The following KHDRBS3 variants were observed in gnomAD, a reference collection of about 807,000 sequenced individuals.
KHDRBS3 encodes the protein KH RNA binding domain containing, signal transduction associated 3, also known as KH domain-containing, RNA-binding, signal transduction-associated protein 3.
A neutral mutation model predicts 45.6 loss-of-function variants in KHDRBS3; 23 were observed. The ratio of observed to expected loss-of-function variants is 0.50; its 90% confidence interval spans 0.36 to 0.72. The LOEUF is 0.72. KHDRBS3 is among the 30% of genes least tolerant of loss of function. The probability of loss-of-function intolerance (pLI) is 0.00; values close to 1 mark genes in which losing one functional copy is unlikely to be tolerated. For synonymous variants in KHDRBS3, 162 were observed against 156.5 expected (o/e 1.04, Z -0.26); for missense variants, 352 against 424.8 (o/e 0.83, Z 1.51).
intron 7 of KHDRBS3, among the ~76,000 whole-genome samples, chr8:135,629,908 T>G (rs1229320169): frequency 1.3e-5 from 2 of 152,202 alleles, no homozygotes; most frequent in African/African-American, 4.8e-5. Context: ...TCCACCCATA[T>G]AGTAACTTCT....
chr8:135,516,609 G>A (rs532399815), intron 1 of KHDRBS3, among the ~76,000 whole-genome samples: 1 of 125,600 alleles, frequency 8.0e-6, no homozygotes, highest in East Asian at 2.9e-4. Context: ...AGTAAACAGT[G>A]CATTTGGTAC....
chr8:135,607,060 A>C (rs1468685457), intron 7 of KHDRBS3, 23 bp downstream of exon 7: 1 of 1,559,208 alleles, frequency 6.4e-7, no homozygotes, highest in Non-Finnish European at 8.8e-7. Context: ...CTTTATTACC[A>C]GACCCCACAA....
At chr8:135,645,992 A>ATTTTTTTTTTTTTTTT (rs57082119) in intron 8 of KHDRBS3, among the ~76,000 whole-genome samples, 2 of 100,688 alleles carry the variant, frequency 2.0e-5, no homozygotes, top group Non-Finnish European at 1.8e-5. Flanking sequence ...TGCACCTTGG[A>ATTTTTTTTTTTTTTTT]TTTTTTTTTT....
chr8:135,473,997 A>G (rs1822145448), intron 1 of KHDRBS3, among the ~76,000 whole-genome samples: 1 of 152,184 alleles, frequency 6.6e-6, no homozygotes, highest in South Asian at 2.1e-4. Flanking sequence ...TGTCCTCTAG[A>G]GACTTGAGTC....
chr8:135,602,719 G>A (rs1829272808), intron 6 of KHDRBS3, among the ~76,000 whole-genome samples: 1 of 152,058 alleles, frequency 6.6e-6, no homozygotes, highest in Non-Finnish European at 1.5e-5. Context: ...CTGTGTGCAC[G>A]ATACAGTGAC....
chr8:135,632,742 C>T (rs1000520460), intron 7 of KHDRBS3, among the ~76,000 whole-genome samples: 1 of 152,178 alleles, frequency 6.6e-6, no homozygotes, highest in Non-Finnish European at 1.5e-5. Flanking sequence ...ATGAAAGCCT[C>T]TCAGTGGCCT....
chr8:135,560,910 G>A (rs1426335722), intron 5 of KHDRBS3, among the ~76,000 whole-genome samples: 1 of 152,114 alleles, frequency 6.6e-6, no homozygotes, highest in Non-Finnish European at 1.5e-5. Flanking sequence ...CATATGCTAG[G>A]CACCAGCAGG....
intron 6 of KHDRBS3, among the ~76,000 whole-genome samples, chr8:135,600,524 GT>G (rs1284396982): frequency 6.6e-6 from 1 of 152,206 alleles, no homozygotes; most frequent in Non-Finnish European, 1.5e-5. Context: ...TTCTCCAGAT[GT>G]TAATGCCTTC....
chr8:135,471,808 C>G (rs919898018), intron 1 of KHDRBS3, among the ~76,000 whole-genome samples: 1 of 152,212 alleles, frequency 6.6e-6, no homozygotes, highest in Non-Finnish European at 1.5e-5. Context: ...GTTCTCTTCG[C>G]TCGCTCTCTG....
chr8:135,510,966 A>G (rs1824253005), intron 1 of KHDRBS3, among the ~76,000 whole-genome samples: 1 of 152,256 alleles, frequency 6.6e-6, no homozygotes, highest in Non-Finnish European at 1.5e-5. Flanking sequence ...TGTATTTTAA[A>G]TAAACCTATA....
intron 2 of KHDRBS3, among the ~76,000 whole-genome samples, chr8:135,522,784 A>C (rs932193197): frequency 6.6e-6 from 1 of 152,184 alleles, no homozygotes; most frequent in Non-Finnish European, 1.5e-5. Context: ...TAAAAGTGTT[A>C]TTGTAGCTTT....
At chr8:135,561,418 G>A (rs926308558) in intron 5 of KHDRBS3, among the ~76,000 whole-genome samples, 1 of 152,078 alleles carries the variant, frequency 6.6e-6, no homozygotes, top group Non-Finnish European at 1.5e-5. Flanking sequence ...ATTCTTTGCC[G>A]AAAGTCATGC....
At chr8:135,590,358 T>C (rs1200127211) in intron 6 of KHDRBS3, among the ~76,000 whole-genome samples, 1 of 152,224 alleles carries the variant, frequency 6.6e-6, no homozygotes, top group Non-Finnish European at 1.5e-5. Context: ...ACCTCCTTTC[T>C]CTTCAGAGTG....
rs1824894725 is a variant in KHDRBS3 at position 135,521,289 on chromosome 8, T to TGTG, written c.145_147dup (p.Val49dup). 1 of 1,613,634 alleles carries TGTG rather than the reference T, an allele frequency of 6.2e-7. No individual in the cohort carries two copies. The highest frequency in any genetic ancestry group is 8.5e-7 in the Non-Finnish European group (1 of 1,179,626). ...GCAAGGATGAAGAAAAGTACATCGATGTGGTGATTAATAAGAACATGAAGC... is the reference window on the plus strand; with the variant it reads ...GCAAGGATGAAGAAAAGTACATCGATGTGGTGGTGATTAATAAGAACATGAAGC... On this transcript the variant is annotated inframe_insertion, in exon 2 of 9. Coordinates refer to ENST00000355849, the MANE Select transcript of KHDRBS3 (RefSeq NM_006558.3).
At chr8:135,582,674 A>G (rs1828272788) in intron 6 of KHDRBS3, among the ~76,000 whole-genome samples, 3 of 152,240 alleles carry the variant, frequency 2.0e-5, no homozygotes, top group Admixed American at 2.0e-4. Context: ...CTCATTTACC[A>G]TAAATGAAGA....
At chr8:135,515,117 A>G (rs1787671922) in intron 1 of KHDRBS3, among the ~76,000 whole-genome samples, 1 of 152,118 alleles carries the variant, frequency 6.6e-6, no homozygotes, top group African/African-American at 2.4e-5. Flanking sequence ...CTGTAATCCC[A>G]GCACTTTGGG....
chr8:135,531,387 G>C (rs1470389001), intron 2 of KHDRBS3, among the ~76,000 whole-genome samples: 1 of 150,432 alleles, frequency 6.6e-6, no homozygotes, highest in African/African-American at 2.5e-5. Context: ...TTAAATAATA[G>C]TATTTATAGC....
intron 7 of KHDRBS3, among the ~76,000 whole-genome samples, chr8:135,617,323 G>A (rs1414777710): frequency 6.7e-6 from 1 of 148,406 alleles, no homozygotes; most frequent in Admixed American, 6.8e-5. Flanking sequence ...TCTGTCTCAC[G>A]CTGGCATACA....
At chr8:135,628,480 G>A (rs1010890908) in intron 7 of KHDRBS3, among the ~76,000 whole-genome samples, 2 of 152,196 alleles carry the variant, frequency 1.3e-5, no homozygotes, top group Non-Finnish European at 2.9e-5. Flanking sequence ...CTAAATTTAT[G>A]AAATAGACAT....
Sources: allele counts gnomAD v4.1 joint callset (sites outside exome capture counted in the v4.1 genomes callset), GRCh38; gene constraint gnomAD v4.1.1; transcripts MANE v1.5; gene names NCBI Gene and HGNC (gene_info 2026-07-23, HGNC 2026-07-21).